The following SLC25A26 variants were observed in gnomAD, a reference collection of about 807,000 sequenced individuals.
The protein encoded by SLC25A26 is solute carrier family 25 member 26, also known as mitochondrial S-adenosylmethionine carrier protein.
Under a neutral mutation model 37.8 loss-of-function variants are expected in SLC25A26, and 36 were observed. The ratio of observed to expected loss-of-function variants is 0.95; its 90% CI spans 0.73 to 1.26. The LOEUF (loss-of-function observed/expected upper bound fraction) is 1.26. Ranked by LOEUF, SLC25A26 falls within the 50% of genes most tolerant of loss-of-function variation. SLC25A26 has a pLI of 0.00. For synonymous variants in SLC25A26, 129 were observed against 122.5 expected, an observed-to-expected ratio of 1.05 and a Z score of -0.35; for missense variants, 390 against 331.1, an observed-to-expected ratio of 1.18 and a Z score of -1.38.
intron 5 of SLC25A26, among the ~76,000 whole-genome samples, chr3:66,337,945 A>G (rs1244406498): frequency 5.3e-5 from 8 of 152,036 alleles, no homozygotes; most frequent in Admixed American, 5.2e-4. Context: ...CAAATTATAT[A>G]TGTACACTTT....
intron 1 of SLC25A26, among the ~76,000 whole-genome samples, chr3:66,160,980 C>A (rs999912427): frequency 3.3e-5 from 5 of 152,048 alleles, no homozygotes; most frequent in African/African-American, 9.7e-5. Flanking sequence ...ACAGAGTTTA[C>A]AAAACTGAAT....
At position 66,184,852 on chromosome 3, in the gene SLC25A26, A is replaced by C. The variant is rs2070795917; in HGVS notation, c.-353-35890A>C. On this transcript the variant is annotated intron_variant, in intron 1 of 10. Transcript: ENST00000676754. ...GGTCGTGACCCTGACCAACAACTCA[A>C]CTTTGACCCTGATCCTGACCGTCAA... 2.0e-5 allele frequency among the ~76,000 whole-genome samples: 3 copies of C among 152,200 alleles called. No homozygotes were observed. In the South Asian group the frequency reaches 6.2e-4, roughly 32 times the overall value.
At chr3:66,275,286 A>T (rs1052424409) in intron 5 of SLC25A26, among the ~76,000 whole-genome samples, 5 of 151,098 alleles carry the variant, frequency 3.3e-5, no homozygotes, top group Admixed American at 2.6e-4. Flanking sequence ...GCATTAGGAG[A>T]TACATCTAAT....
intron 5 of SLC25A26, among the ~76,000 whole-genome samples, chr3:66,286,465 C>G (rs1358162931): frequency 1.3e-5 from 2 of 151,430 alleles, no homozygotes; most frequent in African/African-American, 4.9e-5. Flanking sequence ...TTTTTCCTCA[C>G]TGAAATGCTT....
At chr3:66,149,791 C>A (rs899300080) in intron 1 of SLC25A26, among the ~76,000 whole-genome samples, 1 of 152,044 alleles carries the variant, frequency 6.6e-6, no homozygotes, top group African/African-American at 2.4e-5. Context: ...ATAATGACAC[C>A]AGGATAACAG....
Position 66,252,235 on chromosome 3 carries a change from C to G in SLC25A26, c.300+8923C>G, listed in dbSNP as rs150364883. ...AAGATTAGGGTTCTTGAATTAAATG[C>G]AACTGTCACTTATTTGCTTTGGTTT... On this transcript the variant is annotated intron_variant, in intron 3 of 9. Coordinates refer to ENST00000354883, the MANE Select transcript of SLC25A26 (RefSeq NM_001379210.1). Among the ~76,000 whole-genome samples the G allele has an allele frequency of 9.5e-3, 1,451 of 152,292 alleles. 7 individuals carry two copies. The highest frequency in any genetic ancestry group is 0.014 in the Non-Finnish European group (935 of 68,028).
intron 1 of SLC25A26, among the ~76,000 whole-genome samples, chr3:66,161,883 T>C (rs1033285062): frequency 6.6e-6 from 1 of 152,046 alleles, no homozygotes; most frequent in African/African-American, 2.4e-5. Context: ...AGGAGACAAT[T>C]CCATATGATA....
Position 66,350,172 on chromosome 3 carries a change from A to G in SLC25A26, c.498+3764A>G, listed in dbSNP as rs568057199. Among the ~76,000 whole-genome samples the G allele has an allele frequency of 7.0e-4, 106 of 152,296 alleles. 1 individual carries two copies. Among genetic ancestry groups the G allele is most frequent in the African/African-American group, 2.5e-3 (102 of 41,572 alleles). On this transcript the variant is annotated intron_variant, in intron 6 of 9. Transcript: ENST00000354883. ...TTATTTGTGTTTATGTGGGAATACC[A>G]TTCAGGAAAATTTTTCTTAGCCAAG...
intron 5 of SLC25A26, among the ~76,000 whole-genome samples, chr3:66,274,309 C>G (rs1189422040): frequency 1.3e-5 from 2 of 151,848 alleles, no homozygotes; most frequent in African/African-American, 4.8e-5. Context: ...AGAAGAAAAC[C>G]TAGGCAATAC....
At chr3:66,210,750 GC>G (rs1370597756) in intron 1 of SLC25A26, among the ~76,000 whole-genome samples, 9 of 152,184 alleles carry the variant, frequency 5.9e-5, no homozygotes, top group Admixed American at 1.3e-4. Context: ...TGGGGCTCAA[GC>G]AACCCTCCCA....
At chr3:66,284,688 A>G (rs908925070) in intron 5 of SLC25A26, among the ~76,000 whole-genome samples, 2 of 152,262 alleles carry the variant, frequency 1.3e-5, no homozygotes, top group African/African-American at 2.4e-5. Flanking sequence ...AACAAATTTC[A>G]TAACAAGAGA....
chr3:66,371,714 G>A (rs183191553), intron 9 of SLC25A26, among the ~76,000 whole-genome samples: 198 of 152,230 alleles, frequency 1.3e-3, no homozygotes, highest in African/African-American at 4.4e-3. Context: ...TCTATCTGTG[G>A]CACATTAATT....
chr3:66,316,814 C>G (rs2075553054), intron 5 of SLC25A26, among the ~76,000 whole-genome samples: 1 of 152,032 alleles, frequency 6.6e-6, no homozygotes, highest in African/African-American at 2.4e-5. Flanking sequence ...TTTGTTCATT[C>G]CTTTTTTTCT....
intron 5 of SLC25A26, among the ~76,000 whole-genome samples, chr3:66,309,004 G>C (rs1429276337): frequency 6.6e-6 from 1 of 152,070 alleles, no homozygotes; most frequent in Non-Finnish European, 1.5e-5. Flanking sequence ...TTCTTTTTTT[G>C]TTGTGTCTCT....
At chr3:66,342,424 TTGTAA>T (rs1212047371) in intron 5 of SLC25A26, among the ~76,000 whole-genome samples, 1 of 152,196 alleles carries the variant, frequency 6.6e-6, no homozygotes, top group African/African-American at 2.4e-5. Flanking sequence ...TATATTGGTA[TTGTAA>T]TGTAATTTTT....
At chr3:66,153,545 C>T (rs939608895) in intron 1 of SLC25A26, among the ~76,000 whole-genome samples, 4 of 152,226 alleles carry the variant, frequency 2.6e-5, no homozygotes, top group Non-Finnish European at 4.4e-5. Context: ...ATGCAGGTGG[C>T]TCTGCAGACC....
chr3:66,208,900 GTA>G (rs1196181923), intron 1 of SLC25A26, among the ~76,000 whole-genome samples: 1 of 60,076 alleles, frequency 1.7e-5, no homozygotes, highest in African/African-American at 7.0e-5. Context: ...CTTTATATGG[GTA>G]TATATATATA....
At chr3:66,235,876 C>T (rs782743846) in intron 1 of SLC25A26, among the ~76,000 whole-genome samples, 34 of 152,216 alleles carry the variant, frequency 2.2e-4, no homozygotes, top group Non-Finnish European at 3.7e-4. Context: ...ACTTTGAGCT[C>T]TTTACCTTTT....
chr3:66,318,760 C>T (rs542956235), intron 5 of SLC25A26, among the ~76,000 whole-genome samples: 2 of 151,978 alleles, frequency 1.3e-5, no homozygotes, highest in African/African-American at 2.4e-5. Flanking sequence ...ATCCTGGTCT[C>T]AAGTTACTCA....
Sources: gnomAD v4.1 joint callset for allele counts (sites outside exome capture counted in the v4.1 genomes callset) on GRCh38, gnomAD v4.1.1 for gene constraint, MANE v1.5 for transcripts, NCBI Gene and HGNC (gene_info 2026-07-23, HGNC 2026-07-21) for gene names.